Variants in ZNF891 observed in about 807,000 individuals in gnomAD.
ZNF891 encodes the protein zinc finger protein 891.
For synonymous variants in ZNF891, 199 were observed against 209.0 expected, an observed-to-expected ratio of 0.95 and a Z score of 0.41; for missense variants, 589 against 632.7, an observed-to-expected ratio of 0.93 and a Z score of 0.74.
Position 133,120,848 on chromosome 12 carries a change from G to C in ZNF891, c.1071C>G (p.Phe357Leu). The C allele has an allele frequency of 6.4e-7, 1 of 1,550,920 alleles. No homozygotes were observed. Among genetic ancestry groups the C allele is most frequent in the Non-Finnish European group, 8.7e-7 (1 of 1,150,082 alleles). The stretch of plus-strand genomic sequence containing the variant: ...GTCTCCTTAAGGTTGAGGAATCATT[G>C]AACACTTTACCACATTCTTTACATT... ...QYECKECGKV[F>L]NDSSTLRRHV... The change falls in exon 2 of 2, where the codon TTC (phenylalanine) becomes TTG (leucine). Residue 357 changes from phenylalanine (F) to leucine (L), a missense_variant. Phe to Leu is a conservative substitution (Grantham distance 22, BLOSUM62 0). Transcript: ENST00000537226.
At position 133,106,387 on chromosome 12, in the gene ZNF891, A is replaced by G. The variant is rs759801516; in HGVS notation, c.*13897T>C. ...GTGGTAAAGTTTTCACTTGGCATGC[A>G]TCCCTTATTCAACATACGAAGAGTC... On this transcript the variant is annotated 3_prime_UTR_variant, in exon 2 of 2. Coordinates refer to ENST00000537226, the MANE Select transcript of ZNF891 (RefSeq NM_001277291.2). 6 of 1,614,182 alleles carry G rather than the reference A, an allele frequency of 3.7e-6. No individual in the cohort carries two copies. The Admixed American group carries it at 1.0e-4, about 27-fold the overall frequency.
Position 133,120,665 on chromosome 12 carries a change from G to A in ZNF891, c.1254C>T (p.Tyr418=). ...TGTGTATTCTCTTGTGCACTATAAGGTAAGAGCTTGTGCCAAAGGATTTTC... is the reference window on the plus strand; with the variant it reads ...TGTGTATTCTCTTGTGCACTATAAGATAAGAGCTTGTGCCAAAGGATTTTC... The part of the protein sequence containing the change: ...QCGKSFGTSS[Y]LIVHKRIHTG... Residue 418 remains tyrosine, a synonymous_variant, in exon 2 of 2, where the codon TAC becomes TAT. Transcript: ENST00000537226. The A allele has an allele frequency of 6.4e-7, 1 of 1,557,434 alleles. No individual in the cohort carries two copies.
In ZNF891 at chr12:133,111,831, CAGAAAATTAAAAAATAA is replaced by C. The variant is rs1182491123; in HGVS notation, c.*8436_*8452del. 4.0e-5 allele frequency: 6 copies of C among 151,742 alleles called. No homozygotes were observed. Among genetic ancestry groups the C allele is most frequent in the African/African-American group, 1.5e-4 (6 of 41,292 alleles). 9.4% of individuals were successfully genotyped at this position (151,742 alleles called of 1,614,324 possible). ...ATTAAAAAGGAAACCCAGTAACTTACAGAAAATTAAAAAATAAAGAAAAATAAATAAAAAAGTGAATG... is the reference window on the plus strand; with the variant it reads ...ATTAAAAAGGAAACCCAGTAACTTACAGAAAAATAAATAAAAAAGTGAATG... On this transcript the variant is annotated 3_prime_UTR_variant, in exon 2 of 2. Transcript: ENST00000537226.
chr12:133,126,415 A>G (rs927262052), intron 1 of ZNF891, among the ~76,000 whole-genome samples: 2 of 147,872 alleles, frequency 1.4e-5, no homozygotes, highest in South Asian at 4.4e-4. Context: ...TGGAGCTTGC[A>G]GTGAGCCGAG....
intron 1 of ZNF891, among the ~76,000 whole-genome samples, chr12:133,126,273 C>A (rs141280556): frequency 5.3e-4 from 81 of 151,736 alleles, no homozygotes; most frequent in Non-Finnish European, 1.0e-3. Flanking sequence ...GTCAGGAGAT[C>A]GAGACCATCC....
chr12:133,127,242 G>A (rs1279333995), intron 1 of ZNF891, among the ~76,000 whole-genome samples: 6 of 152,116 alleles, frequency 3.9e-5, no homozygotes, highest in Non-Finnish European at 8.8e-5. Flanking sequence ...TGGGATTACA[G>A]GCGTGAGCCA....
Position 133,111,952 on chromosome 12 carries a change from T to A in ZNF891, c.*8332A>T, listed in dbSNP as rs892213355. 4 of 152,344 alleles carry A rather than the reference T, an allele frequency of 2.6e-5. No individual in the cohort carries two copies. Among genetic ancestry groups the A allele is most frequent in the East Asian group, 1.9e-4 (1 of 5,184 alleles). The allele number at this position is 152,344 out of a possible 1,614,324, so 9.4% of individuals were successfully genotyped here. ...GCTTCCTAGTCTCTCAAGATTTTTT[T>A]ATACAAAAATGTGATCTTTTTAAAA... is the stretch of plus-strand genomic sequence containing the variant. On this transcript the variant is annotated 3_prime_UTR_variant, in exon 2 of 2. Coordinates refer to ENST00000537226, the MANE Select transcript of ZNF891 (RefSeq NM_001277291.2).
Position 133,105,845 on chromosome 12 carries a change from G to A in ZNF891, c.*14439C>T. 1 of 1,614,182 alleles carries A rather than the reference G, an allele frequency of 6.2e-7. No individual in the cohort carries two copies. The highest frequency in any genetic ancestry group is 1.3e-5 in the African/African-American group (1 of 75,054). ...GACTCATACTGGAGAGAAACCATAT[G>A]CATGTAAGGAATGTGGCAAAACCTT... On this transcript the variant is annotated 3_prime_UTR_variant, in exon 2 of 2. Coordinates refer to ENST00000537226, the MANE Select transcript of ZNF891 (RefSeq NM_001277291.2).
rs551540010 is a variant in ZNF891 at position 133,108,189 on chromosome 12, A to C, written c.*12095T>G. 2.4e-4 allele frequency: 36 copies of C among 151,892 alleles called. No individual in the cohort carries two copies. Among genetic ancestry groups the C allele is most frequent in the African/African-American group, 8.5e-4 (35 of 41,384 alleles). 9.4% of individuals were successfully genotyped at this position (151,892 alleles called of 1,614,324 possible). A position where few individuals can be genotyped will look rare whatever the true frequency, so the allele number is the denominator to read the frequency against. On this transcript the variant is annotated 3_prime_UTR_variant, in exon 2 of 2. Coordinates refer to ENST00000537226, the MANE Select transcript of ZNF891 (RefSeq NM_001277291.2). ...CATGCCTTACTACGTATGGGTATCTAATATCTGATTTGATTTTCTCAAGCA... is the reference window on the plus strand; with the variant it reads ...CATGCCTTACTACGTATGGGTATCTCATATCTGATTTGATTTTCTCAAGCA...
rs1184162351 is a variant in ZNF891, at chr12:133,121,369, G to A, written c.550C>T (p.Pro184Ser). 3 of 1,536,070 alleles carry A rather than the reference G, an allele frequency of 2.0e-6. No individual in the cohort carries two copies. The highest frequency in any genetic ancestry group is 1.2e-5 in the South Asian group (1 of 84,060). Residue 184 changes from proline to serine, a missense_variant, in exon 2 of 2, where the codon CCT becomes TCT. Pro to Ser is a moderately conservative substitution (Grantham distance 74). Transcript: ENST00000537226. ...QMIYAPKKTV[P>S]QELFRDYHEL... ...TGATAGTCACGGAATAGCTCCTGAG[G>A]TACTGTTTTCTTTGGGGCATATATC...
intron 1 of ZNF891, among the ~76,000 whole-genome samples, chr12:133,127,949 AG>A (rs1198913378): frequency 6.6e-6 from 1 of 152,254 alleles, no homozygotes; most frequent in Non-Finnish European, 1.5e-5. Context: ...TGCACAAGAA[AG>A]AAACATATTA....
At chr12:133,122,212 A>G in intron 1 of ZNF891, 188 bp from the exon 2 acceptor site, 1 of 1,071,506 alleles carries the variant, frequency 9.3e-7, no homozygotes, top group Non-Finnish European at 1.1e-6. Flanking sequence ...AAGAAATGCC[A>G]TCCTGATTCT....
Position 133,109,670 on chromosome 12 carries a change from G to C in ZNF891, c.*10614C>G, listed in dbSNP as rs771265532. ...AAAGATGTTTCAGAATAAAAATAGA[G>C]GAAATTTACGGTAGCATTCTTATGC... On this transcript the variant is annotated 3_prime_UTR_variant, in exon 2 of 2. Coordinates refer to ENST00000537226, the MANE Select transcript of ZNF891 (RefSeq NM_001277291.2). The C allele has an allele frequency of 6.6e-6, 1 of 152,056 alleles. No homozygotes were observed. Among genetic ancestry groups the C allele is most frequent in the Non-Finnish European group, 1.5e-5 (1 of 68,022 alleles). The allele number at this position is 152,056 out of a possible 1,614,324, so 9.4% of individuals were successfully genotyped here.
chr12:133,124,148 G>T (rs1262703930), intron 1 of ZNF891, among the ~76,000 whole-genome samples: 1 of 152,134 alleles, frequency 6.6e-6, no homozygotes, highest in Non-Finnish European at 1.5e-5. Context: ...GGCAATAATA[G>T]AAAACAAAAC....
Position 133,116,432 on chromosome 12 carries a change from G to A in ZNF891, c.*3852C>T, listed in dbSNP as rs1955715608. ...TGGGACCATTTTCTAACTACTGATG[G>A]CTAGTGCTATACCCACCAGGGCTGC... On this transcript the variant is annotated 3_prime_UTR_variant, in exon 2 of 2. Transcript: ENST00000537226. 1 of 152,140 alleles carries A rather than the reference G, an allele frequency of 6.6e-6. No individual in the cohort carries two copies. The highest frequency in any genetic ancestry group is 1.5e-5 in the Non-Finnish European group (1 of 68,102). The allele number at this position is 152,140 out of a possible 1,614,324, so 9.4% of individuals were successfully genotyped here. A position where few individuals can be genotyped will look rare whatever the true frequency, so the allele number is the denominator to read the frequency against.
At position 133,113,332 on chromosome 12, in the gene ZNF891, A is replaced by T. The variant is rs1225100289; in HGVS notation, c.*6952T>A. ...AAACTAGACATCTTAAAAAAAGACAAAAGAAAAAAATTATGACATAACCAT... is the reference window on the plus strand; with the variant it reads ...AAACTAGACATCTTAAAAAAAGACATAAGAAAAAAATTATGACATAACCAT... On this transcript the variant is annotated 3_prime_UTR_variant, in exon 2 of 2. Transcript: ENST00000537226. 2.6e-5 allele frequency: 4 copies of T among 152,190 alleles called. No homozygotes were observed. Among genetic ancestry groups the T allele is most frequent in the Admixed American group, 1.3e-4 (2 of 15,290 alleles). The allele number at this position is 152,190 out of a possible 1,614,324, so 9.4% of individuals were successfully genotyped here.
rs34706348 is a variant in ZNF891, at chr12:133,121,409, TC to T, written c.509del (p.Gly170AspfsTer6). On this transcript the variant is annotated frameshift_variant, in exon 2 of 2. Transcript: ENST00000537226. LOFTEE classifies it low-confidence loss of function (END_TRUNC). ...KIRKQHKIPG[G>X]HWRQMIYAPK... is the part of the protein sequence containing the mutation. ...GGGCATATATCATTTGCCTCCAATG[TC>T]CCCCTGGAATCTTATGCTGTTTTCT... The T allele has an allele frequency of 6.5e-7, 1 of 1,536,096 alleles. No homozygotes were observed. The highest frequency in any genetic ancestry group is 8.7e-7 in the Non-Finnish European group (1 of 1,146,874).
chr12:133,123,494 G>A (rs1566337598), intron 1 of ZNF891, among the ~76,000 whole-genome samples: 1 of 151,996 alleles, frequency 6.6e-6, no homozygotes. Context: ...GGAGACCAAC[G>A]CGGAGGACTG....
chr12:133,122,024 C>G lies in ZNF891; in HGVS notation c.-106G>C. On this transcript the variant is annotated splice_region_variant and 5_prime_UTR_variant, in exon 2 of 2. Transcript: ENST00000537226. ...GGGATGCATTTCACCCGAAGTTCTC[C>G]CTGTAGCCAAAGAAGCAAGTTCAGG... 1 of 1,403,842 alleles carries G rather than the reference C, an allele frequency of 7.1e-7. No individual in the cohort carries two copies. The highest frequency in any genetic ancestry group is 9.2e-7 in the Non-Finnish European group (1 of 1,082,664). The allele number at this position is 1,403,842 out of a possible 1,614,324, so 87.0% of individuals were successfully genotyped here. A position where few individuals can be genotyped will look rare whatever the true frequency, so the allele number is the denominator to read the frequency against.
Sources: gnomAD v4.1 joint callset for allele counts (sites outside exome capture counted in the v4.1 genomes callset) on GRCh38, gnomAD v4.1.1 for gene constraint, MANE v1.5 for transcripts, NCBI Gene and HGNC (gene_info 2026-07-23, HGNC 2026-07-21) for gene names.